The following BTAF1 variants were observed in gnomAD, a reference collection of about 807,000 sequenced individuals.
The protein encoded by BTAF1 is B-TFIID TATA-box binding protein associated factor 1, also known as TATA-binding protein-associated factor 172.
A neutral mutation model predicts 227.1 loss-of-function variants in BTAF1; 38 were observed. The ratio of observed to expected loss-of-function variants is 0.17; its 90% CI spans 0.13 to 0.22. The LOEUF (loss-of-function observed/expected upper bound fraction) is 0.22, where lower values mean the gene tolerates loss of function less well. BTAF1 is among the 10% of genes least tolerant of loss of function. The probability of loss-of-function intolerance (pLI) is 1.00; values close to 1 mark genes in which losing one functional copy is unlikely to be tolerated. For missense variants in BTAF1, 1,598 were observed against 2,204.0 expected (o/e 0.73, Z 5.51); for synonymous variants, 742 against 751.9 (o/e 0.99, Z 0.21).
At chr10:91,998,713 T>A (rs1849302452) in intron 25 of BTAF1, among the ~76,000 whole-genome samples, 1 of 152,228 alleles carries the variant, frequency 6.6e-6, no homozygotes, top group African/African-American at 2.4e-5. Context: ...TTGTTTATCC[T>A]GTCACCAGTT....
intron 14 of BTAF1, among the ~76,000 whole-genome samples, chr10:91,978,813 T>TA (rs1847871377): frequency 2.5e-5 from 2 of 80,372 alleles, no homozygotes; most frequent in Non-Finnish European, 4.8e-5. Flanking sequence ...ATTTATGGCT[T>TA]GTTTTTTTTT....
intron 36 of BTAF1, 82 bp downstream of exon 36, chr10:92,026,833 T>C (rs187475722): frequency 1.4e-6 from 2 of 1,430,726 alleles, no homozygotes; most frequent in African/African-American, 2.9e-5. Flanking sequence ...CTTGGTTTAG[T>C]TCTTGCTCTG....
intron 34 of BTAF1, among the ~76,000 whole-genome samples, chr10:92,022,971 CA>C (rs1851244993): frequency 1.3e-5 from 2 of 152,102 alleles, no homozygotes; most frequent in Admixed American, 6.6e-5. Context: ...CTTCCTCAAG[CA>C]TTGAATTGTG....
chr10:91,946,234 C>T (rs1819823931), intron 4 of BTAF1, among the ~76,000 whole-genome samples: 1 of 152,176 alleles, frequency 6.6e-6, no homozygotes, highest in Non-Finnish European at 1.5e-5. Flanking sequence ...TGACGCATGC[C>T]TGTAATCCCA....
At chr10:92,005,674 G>C (rs1849829245) in intron 25 of BTAF1, among the ~76,000 whole-genome samples, 1 of 151,910 alleles carries the variant, frequency 6.6e-6, no homozygotes, top group Non-Finnish European at 1.5e-5. Context: ...AAGAGCTGTT[G>C]TTTATTATAT....
chr10:91,934,813 C>T (rs1267231568), intron 1 of BTAF1, among the ~76,000 whole-genome samples: 2 of 152,096 alleles, frequency 1.3e-5, no homozygotes, highest in Non-Finnish European at 2.9e-5. Context: ...ATTTCTTCCC[C>T]TTTCCCTTTC....
chr10:91,961,459 T>G lies in BTAF1; in HGVS notation c.1264-1079T>G, dbSNP rs913255286. 9.2e-5 allele frequency among the ~76,000 whole-genome samples: 14 copies of G among 152,106 alleles called. No individual in the cohort carries two copies. The East Asian group carries it at 1.4e-3, about 15-fold the overall frequency. On this transcript the variant is annotated intron_variant, in intron 11 of 37. Coordinates refer to ENST00000265990, the MANE Select transcript of BTAF1 (RefSeq NM_003972.3). ...AGTTTTCTAAGATTGTCTTTTTTTT[T>G]TTTTCCCTTCTTTAACTGCCAATAA...
chr10:91,975,942 A>G (rs900424738), intron 14 of BTAF1, among the ~76,000 whole-genome samples: 2 of 152,208 alleles, frequency 1.3e-5, no homozygotes, highest in Non-Finnish European at 2.9e-5. Context: ...ACTTGGTATC[A>G]TACAATTCAG....
At chr10:92,006,826 T>G (rs1849921996) in intron 25 of BTAF1, among the ~76,000 whole-genome samples, 1 of 152,232 alleles carries the variant, frequency 6.6e-6, no homozygotes, top group Admixed American at 6.5e-5. Flanking sequence ...ATGGCTATGT[T>G]AATATACTTT....
At chr10:91,937,658 C>G (rs2133802271) in intron 2 of BTAF1, among the ~76,000 whole-genome samples, 1 of 152,230 alleles carries the variant, frequency 6.6e-6, no homozygotes, top group Middle Eastern at 3.4e-3. Flanking sequence ...TGTGGATATA[C>G]ATGTGTACAT....
chr10:92,026,100 C>G (rs1851495737), intron 35 of BTAF1, among the ~76,000 whole-genome samples: 1 of 152,068 alleles, frequency 6.6e-6, no homozygotes, highest in Non-Finnish European at 1.5e-5. Context: ...TAAATCGTAG[C>G]TTGGTAGCTG....
intron 12 of BTAF1, 74 bp from the exon 13 acceptor site, chr10:91,964,003 T>G (rs1287670649): frequency 3.2e-6 from 5 of 1,541,696 alleles, no homozygotes; most frequent in Admixed American, 1.7e-5. Context: ...TAGTGACCCC[T>G]GGGATACCAT....
chr10:92,022,532 C>T (rs1213995783), intron 34 of BTAF1, among the ~76,000 whole-genome samples: 1 of 152,124 alleles, frequency 6.6e-6, no homozygotes, highest in Non-Finnish European at 1.5e-5. Flanking sequence ...ATCCTTTCAC[C>T]TCAGCCTCCC....
At chr10:91,924,969 G>A (rs1311841373) in intron 1 of BTAF1, among the ~76,000 whole-genome samples, 1 of 152,208 alleles carries the variant, frequency 6.6e-6, no homozygotes, top group Non-Finnish European at 1.5e-5. Flanking sequence ...TTACCATATA[G>A]ACTGAAGGAA....
intron 14 of BTAF1, among the ~76,000 whole-genome samples, chr10:91,975,650 G>T (rs1056607156): frequency 1.3e-5 from 2 of 152,244 alleles, no homozygotes; most frequent in Non-Finnish European, 2.9e-5. Context: ...CAGTCTGAGA[G>T]CATTTGATAT....
Position 92,029,616 on chromosome 10 carries a change from A to C in BTAF1, c.*683A>C, listed in dbSNP as rs1324649958. ...TCCTATTTAGAGGGTGGTTTTTTTT[A>C]ATTTATCTAATGGCTACGATATAGC... On this transcript the variant is annotated 3_prime_UTR_variant, in exon 38 of 38. Transcript: ENST00000265990. 6.6e-6 allele frequency: 1 copy of C among 151,842 alleles called. No homozygotes were observed. The highest frequency in any genetic ancestry group is 1.5e-5 in the Non-Finnish European group (1 of 67,862). 9.4% of individuals were successfully genotyped at this position (151,842 alleles called of 1,614,324 possible). A position where few individuals can be genotyped will look rare whatever the true frequency, so the allele number is the denominator to read the frequency against.
rs201201988 is a variant in BTAF1, at chr10:91,960,094, A to G, written c.1203A>G (p.Glu401=). The change falls in exon 11 of 38, where the codon GAA becomes GAG. Residue 401 remains glutamate, a synonymous_variant. Transcript: ENST00000265990. ...TGCTGCTAAAATTACTTACACAAGA[A>G]CAATGGGAAGTTAGACATGGTGGTC... The part of the protein sequence containing the change: ...VDVLLKLLTQ[E]QWEVRHGGLL... The G allele has an allele frequency of 3.1e-6, 5 of 1,613,962 alleles. No homozygotes were observed. In the East Asian group the frequency reaches 1.1e-4, roughly 36 times the overall value.
intron 13 of BTAF1, among the ~76,000 whole-genome samples, chr10:91,965,847 G>A (rs1846872339): frequency 6.6e-6 from 1 of 152,154 alleles, no homozygotes; most frequent in African/African-American, 2.4e-5. Flanking sequence ...AAACCTGCAA[G>A]TAATGAAAAT....
intron 11 of BTAF1, among the ~76,000 whole-genome samples, chr10:91,961,303 A>T (rs181225522): frequency 6.6e-6 from 1 of 152,342 alleles, no homozygotes; most frequent in African/African-American, 2.4e-5. Context: ...GCATTGGCCT[A>T]TATAGGCATT....
Sources: gnomAD v4.1 joint callset for allele counts (sites outside exome capture counted in the v4.1 genomes callset) on GRCh38, gnomAD v4.1.1 for gene constraint, MANE v1.5 for transcripts, NCBI Gene and HGNC (gene_info 2026-07-23, HGNC 2026-07-21) for gene names.